Variants in CREB5 observed in about 807,000 individuals in gnomAD.
CREB5 encodes cyclic AMP-responsive element-binding protein 5.
A neutral mutation model predicts 57.1 loss-of-function variants in CREB5; 19 were observed. The ratio of observed to expected loss-of-function variants is 0.33; its 90% CI spans 0.23 to 0.49. The LOEUF (loss-of-function observed/expected upper bound fraction) is 0.49. Ranked by LOEUF, CREB5 falls within the 20% of genes least tolerant of loss-of-function variation. The pLI, the probability that CREB5 is intolerant of heterozygous loss-of-function variation, is 0.99. For synonymous variants in CREB5, 238 were observed against 238.3 expected (o/e 1.00, Z 0.01); for missense variants, 579 against 671.6 (o/e 0.86, Z 1.52).
At position 28,688,661 on chromosome 7, in the gene CREB5, C is replaced by G. The variant is rs1041635839; in HGVS notation, c.465-30092C>G. 3.3e-5 allele frequency among the ~76,000 whole-genome samples: 5 copies of G among 152,014 alleles called. No individual in the cohort carries two copies. In the South Asian group the frequency reaches 1.0e-3, roughly 31 times the overall value. On this transcript the variant is annotated intron_variant, in intron 5 of 10. Transcript: ENST00000357727. ...ATATTTATGTATCCGGGGTAGTAGC[C>G]TTATTGTAAAGTATGTAGTTATGTA...
At chr7:28,602,042 A>G (rs954273273) in intron 5 of CREB5, among the ~76,000 whole-genome samples, 1 of 150,640 alleles carries the variant, frequency 6.6e-6, no homozygotes, top group Non-Finnish European at 1.5e-5. Context: ...ATGGTGTGGT[A>G]TATTTTCCTG....
At chr7:28,326,895 C>A (rs189524398) in intron 1 of CREB5, among the ~76,000 whole-genome samples, 2 of 152,194 alleles carry the variant, frequency 1.3e-5, no homozygotes, top group African/African-American at 4.8e-5. Flanking sequence ...GTAATCCCAG[C>A]ACTTTGGCAG....
intron 1 of CREB5, among the ~76,000 whole-genome samples, chr7:28,473,857 G>A (rs1352513739): frequency 2.6e-5 from 4 of 152,214 alleles, no homozygotes; most frequent in East Asian, 3.9e-4. Flanking sequence ...ACCCTGGCCC[G>A]TGGCAGGGAG....
Position 28,475,480 on chromosome 7 carries a change from A to T in CREB5, c.4-12695A>T, listed in dbSNP as rs558904558. Among the ~76,000 whole-genome samples, 3 of 59,006 alleles carry T rather than the reference A, an allele frequency of 5.1e-5. No homozygotes were observed. In the South Asian group the frequency reaches 1.1e-3, roughly 22 times the overall value. The allele number at this position is 59,006 out of a possible 152,430, so 38.7% of individuals were successfully genotyped here. A position where few individuals can be genotyped will look rare whatever the true frequency, so the allele number is the denominator to read the frequency against. ...TTGGGGAATAAAGGGAGAGAAAGAA[A>T]AAAAAATAAGGAAGAGTGAAAATAA... is the stretch of plus-strand genomic sequence containing the variant. On this transcript the variant is annotated intron_variant, in intron 1 of 10. Coordinates refer to ENST00000357727, the MANE Select transcript of CREB5 (RefSeq NM_182898.4).
At chr7:28,800,495 A>G (rs1583775156) in intron 7 of CREB5, among the ~76,000 whole-genome samples, 1 of 152,352 alleles carries the variant, frequency 6.6e-6, no homozygotes, top group Non-Finnish European at 1.5e-5. Flanking sequence ...ACAGACTTAC[A>G]AGGGTTAAAG....
Position 28,560,871 on chromosome 7 carries a change from T to TGCGTGC in CREB5, c.292-9491_292-9490insTGCGCG, listed in dbSNP as rs1795123193. 1.3e-4 allele frequency among the ~76,000 whole-genome samples: 5 copies of TGCGTGC among 38,006 alleles called. 1 individual carries two copies. The highest frequency in any genetic ancestry group is 2.2e-4 in the African/African-American group (2 of 9,226). 24.9% of individuals were successfully genotyped at this position (38,006 alleles called of 152,430 possible). A position where few individuals can be genotyped will look rare whatever the true frequency, so the allele number is the denominator to read the frequency against. ...GCGTGTGTGTGTGCGTGTGCCTGCG[T>TGCGTGC]GCGCGTGCGTGCGTGCGTGTGTGTG... On this transcript the variant is annotated intron_variant, in intron 4 of 10. Transcript: ENST00000357727.
intron 6 of CREB5, among the ~76,000 whole-genome samples, chr7:28,723,679 G>GTTGCT (rs1226279305): frequency 6.6e-6 from 1 of 152,110 alleles, no homozygotes; most frequent in East Asian, 1.9e-4. Context: ...CTCTGAGAGT[G>GTTGCT]TTGCTTTTAA....
chr7:28,801,183 T>A (rs1808342119), intron 7 of CREB5, among the ~76,000 whole-genome samples: 1 of 152,202 alleles, frequency 6.6e-6, no homozygotes, highest in Non-Finnish European at 1.5e-5. Context: ...GCAAAGCAAA[T>A]GTCTGAGGAT....
Position 28,360,004 on chromosome 7 carries a change from C to T in CREB5, c.-25+60563C>T, listed in dbSNP as rs376722665. ...AACATCACTAATCATCAGGGAAACA[C>T]GAATTAAAGCCACCATGAGGTATCA... On this transcript the variant is annotated intron_variant, in intron 1 of 9. Transcript: ENST00000396299. Among the ~76,000 whole-genome samples, 22 of 152,230 alleles carry T rather than the reference C, an allele frequency of 1.4e-4. 1 individual carries two copies. In the East Asian group the frequency reaches 2.7e-3, roughly 19 times the overall value.
intron 1 of CREB5, among the ~76,000 whole-genome samples, chr7:28,380,021 G>A (rs1325291631): frequency 6.6e-6 from 1 of 152,134 alleles, no homozygotes; most frequent in Non-Finnish European, 1.5e-5. Flanking sequence ...TGAGTAGCTG[G>A]GATTACAGGT....
intron 4 of CREB5, among the ~76,000 whole-genome samples, chr7:28,543,606 G>A (rs1051987351): frequency 1.4e-5 from 2 of 146,114 alleles, no homozygotes; most frequent in South Asian, 2.2e-4. Context: ...AAAAAAGTGT[G>A]AGTTAAGGAT....
chr7:28,623,555 A>C (rs184896415), intron 5 of CREB5, among the ~76,000 whole-genome samples: 1 of 152,336 alleles, frequency 6.6e-6, no homozygotes, highest in East Asian at 1.9e-4. Flanking sequence ...TATTACAGCA[A>C]AGTCACTTAC....
chr7:28,388,825 G>T (rs1226667582), intron 1 of CREB5, among the ~76,000 whole-genome samples: 1 of 152,168 alleles, frequency 6.6e-6, no homozygotes, highest in Non-Finnish European at 1.5e-5. Context: ...GAAATCAGTA[G>T]TAAATTTCTC....
At chr7:28,343,736 G>C (rs1395252794) in intron 1 of CREB5, among the ~76,000 whole-genome samples, 2 of 152,160 alleles carry the variant, frequency 1.3e-5, no homozygotes, top group African/African-American at 2.4e-5. Flanking sequence ...ACCCAGTAGT[G>C]GGATTGCTGG....
intron 1 of CREB5, among the ~76,000 whole-genome samples, chr7:28,406,321 G>A (rs2128000505): frequency 6.6e-6 from 1 of 152,288 alleles, no homozygotes; most frequent in Admixed American, 6.5e-5. Flanking sequence ...CCACTGCCCA[G>A]GATCCAGCAA....
chr7:28,798,555 T>C (rs1254862405), intron 7 of CREB5, among the ~76,000 whole-genome samples: 1 of 152,204 alleles, frequency 6.6e-6, no homozygotes, highest in Non-Finnish European at 1.5e-5. Context: ...CACACTCGGA[T>C]GGGAGGAGGC....
chr7:28,356,134 G>A (rs751159832), intron 1 of CREB5, among the ~76,000 whole-genome samples: 2 of 152,162 alleles, frequency 1.3e-5, no homozygotes, highest in Admixed American at 6.5e-5. Flanking sequence ...AGGAAAGAAC[G>A]GCACTTTTCT....
intron 4 of CREB5, among the ~76,000 whole-genome samples, chr7:28,550,316 T>C (rs1013647358): frequency 6.6e-6 from 1 of 152,176 alleles, no homozygotes; most frequent in Admixed American, 6.6e-5. Context: ...ACCAAGCCTA[T>C]TGGTTGAGTG....
At chr7:28,325,685 A>G (rs1785584524) in intron 1 of CREB5, among the ~76,000 whole-genome samples, 1 of 151,854 alleles carries the variant, frequency 6.6e-6, no homozygotes, top group South Asian at 2.1e-4. Flanking sequence ...TAACTAAGGG[A>G]CCCTTACTCT....
Sources: allele counts gnomAD v4.1 joint callset (sites outside exome capture counted in the v4.1 genomes callset), GRCh38; gene constraint gnomAD v4.1.1; transcripts MANE v1.5; gene names NCBI Gene and HGNC (gene_info 2026-07-23, HGNC 2026-07-21).